Variants in ARHGEF3 observed in about 807,000 individuals in gnomAD.
ARHGEF3 encodes the protein Rho guanine nucleotide exchange factor 3.
ARHGEF3 carries 28 observed loss-of-function variants against 63.2 expected under a neutral mutation model. The observed-to-expected ratio is 0.44, with a 90% confidence interval of 0.33 to 0.61. The LOEUF (loss-of-function observed/expected upper bound fraction) is 0.61, where lower values mean the gene tolerates loss of function less well. Among genes scored for constraint, ARHGEF3 ranks in the 20% least tolerant of loss-of-function variants. ARHGEF3 has a pLI of 0.03. For missense variants in ARHGEF3, 533 were observed against 659.3 expected, an observed-to-expected ratio of 0.81 and a Z score of 2.10; for synonymous variants, 266 against 254.2, an observed-to-expected ratio of 1.05 and a Z score of -0.44.
chr3:56,789,648 T>C (rs950822155), intron 1 of ARHGEF3, among the ~76,000 whole-genome samples: 1 of 152,208 alleles, frequency 6.6e-6, no homozygotes, highest in African/African-American at 2.4e-5. Flanking sequence ...GTTCACTGTT[T>C]CCAAACTCTC....
chr3:56,797,067 C>T lies in ARHGEF3; in HGVS notation c.96+4636G>A, dbSNP rs900783536. Among the ~76,000 whole-genome samples, 13 of 151,982 alleles carry T rather than the reference C, an allele frequency of 8.6e-5. 1 individual carries two copies. The highest frequency in any genetic ancestry group is 7.9e-4 in the Admixed American group (12 of 15,244). Reference sequence around the variant, plus strand: ...ACGACATGCTAGGCACTATGGTTAGCGCTGTATATGAAACATCTCGTTTGA... The same window carrying T: ...ACGACATGCTAGGCACTATGGTTAGTGCTGTATATGAAACATCTCGTTTGA... On this transcript the variant is annotated intron_variant, in intron 1 of 9. Transcript: ENST00000296315.
At chr3:56,745,083 C>T in intron 7 of ARHGEF3, 122 bp downstream of exon 7, 1 of 1,298,150 alleles carries the variant, frequency 7.7e-7, no homozygotes, top group South Asian at 1.5e-5. Context: ...AGTGCCAGGC[C>T]TGGAACCCAA....
At chr3:57,034,860 T>C (rs910008412) in intron 2 of ARHGEF3, among the ~76,000 whole-genome samples, 1 of 151,902 alleles carries the variant, frequency 6.6e-6, no homozygotes. Flanking sequence ...GGTCTCACTA[T>C]GTTACCCAGG....
chr3:57,046,665 C>A (rs879816710), intron 1 of ARHGEF3, among the ~76,000 whole-genome samples: 3 of 152,164 alleles, frequency 2.0e-5, no homozygotes, highest in Non-Finnish European at 4.4e-5. Flanking sequence ...GAGCAGGTGA[C>A]TGTGTGTTCA....
At position 56,751,040 on chromosome 3, in the gene ARHGEF3, C is replaced by G. The variant is rs2034710158; in HGVS notation, c.612+16G>C. 1.2e-6 allele frequency: 2 copies of G among 1,605,070 alleles called. No homozygotes were observed. The highest frequency in any genetic ancestry group is 2.7e-5 in the African/African-American group (2 of 74,728). ...ATTGAAATTTATCTTCAATAAAGAC[C>G]AGAGAACTTTCTTACCCAGCCCACG... is the stretch of plus-strand genomic sequence containing the variant. On this transcript the variant is annotated intron_variant, in intron 6 of 9. Coordinates refer to ENST00000296315, the MANE Select transcript of ARHGEF3 (RefSeq NM_019555.3).
At chr3:56,781,243 C>CTT (rs111752315) in intron 1 of ARHGEF3, among the ~76,000 whole-genome samples, 7 of 142,926 alleles carry the variant, frequency 4.9e-5, no homozygotes, top group Non-Finnish European at 6.2e-5. Context: ...TTTCTTTTGT[C>CTT]TTTTTTTTTT....
intron 3 of ARHGEF3, among the ~76,000 whole-genome samples, chr3:56,936,521 C>T (rs1698911154): frequency 6.6e-6 from 1 of 152,182 alleles, no homozygotes; most frequent in Admixed American, 6.5e-5. Flanking sequence ...TAGTAACAAC[C>T]CAACTGTGTG....
At chr3:56,995,659 GA>G (rs1701952691) in intron 2 of ARHGEF3, among the ~76,000 whole-genome samples, 4 of 120,738 alleles carry the variant, frequency 3.3e-5, no homozygotes, top group African/African-American at 9.0e-5. Flanking sequence ...GAGAGAGAGA[GA>G]GAGAGAGAGA....
At chr3:56,785,962 CT>C (rs2036784977) in intron 1 of ARHGEF3, among the ~76,000 whole-genome samples, 1 of 152,184 alleles carries the variant, frequency 6.6e-6, no homozygotes, top group Non-Finnish European at 1.5e-5. Context: ...GCAGACAGGC[CT>C]TGCAGAGATG....
chr3:56,898,811 C>G (rs1034128713), intron 3 of ARHGEF3, among the ~76,000 whole-genome samples: 1 of 152,086 alleles, frequency 6.6e-6, no homozygotes, highest in Non-Finnish European at 1.5e-5. Context: ...AATCCCAGCA[C>G]TTTGGGAGGC....
intron 2 of ARHGEF3, among the ~76,000 whole-genome samples, chr3:56,758,727 C>T (rs10222681): frequency 6.6e-6 from 1 of 151,966 alleles, no homozygotes; most frequent in Non-Finnish European, 1.5e-5. Context: ...CCCTTGTAAA[C>T]AGTAACCAGG....
chr3:56,830,947 T>C (rs1270070629), intron 4 of ARHGEF3, among the ~76,000 whole-genome samples: 2 of 152,160 alleles, frequency 1.3e-5, no homozygotes, highest in African/African-American at 2.4e-5. Context: ...CCACCTCCTA[T>C]TCCCAGCCCC....
At chr3:56,835,329 C>T (rs1189485685) in intron 4 of ARHGEF3, among the ~76,000 whole-genome samples, 1 of 152,014 alleles carries the variant, frequency 6.6e-6, no homozygotes, top group Admixed American at 6.5e-5. Context: ...GCACGTACCA[C>T]CATGCCCGGC....
intron 1 of ARHGEF3, among the ~76,000 whole-genome samples, chr3:57,072,674 A>C (rs1250182431): frequency 6.7e-6 from 1 of 149,802 alleles, no homozygotes; most frequent in African/African-American, 2.5e-5. Context: ...CCCGGGGGGC[A>C]GAGGTTGCAG....
intron 2 of ARHGEF3, among the ~76,000 whole-genome samples, chr3:56,974,933 C>A (rs908056413): frequency 7.9e-5 from 12 of 152,142 alleles, no homozygotes; most frequent in Non-Finnish European, 1.6e-4. Flanking sequence ...GCTCTGCCTT[C>A]CCACGCACCG....
chr3:56,751,472 G>T, intron 4 of ARHGEF3, 76 bp from the exon 5 acceptor site: 1 of 1,228,632 alleles, frequency 8.1e-7, no homozygotes, highest in Non-Finnish European at 1.2e-6. Context: ...AGTGGCTCCT[G>T]AGAGGTCCTA....
chr3:57,053,321 G>A (rs1227154674), intron 1 of ARHGEF3, among the ~76,000 whole-genome samples: 3 of 152,156 alleles, frequency 2.0e-5, no homozygotes, highest in Admixed American at 1.3e-4. Context: ...AGCAATCACC[G>A]CTGCCCACAC....
intron 2 of ARHGEF3, among the ~76,000 whole-genome samples, chr3:57,008,482 CTTT>C (rs5849184): frequency 6.8e-6 from 1 of 146,494 alleles, no homozygotes. Context: ...ACGGACAAGC[CTTT>C]TTTTTTTTTG....
chr3:56,857,220 C>A (rs1356124634), intron 4 of ARHGEF3, among the ~76,000 whole-genome samples: 1 of 152,188 alleles, frequency 6.6e-6, no homozygotes. Flanking sequence ...TCTACAGTGG[C>A]CACGGTGGGT....
Sources: gnomAD v4.1 joint callset for allele counts (sites outside exome capture counted in the v4.1 genomes callset) on GRCh38, gnomAD v4.1.1 for gene constraint, MANE v1.5 for transcripts, NCBI Gene and HGNC (gene_info 2026-07-23, HGNC 2026-07-21) for gene names.